The following BSG variants were observed in gnomAD, a reference collection of about 807,000 sequenced individuals.
The protein encoded by BSG is basigin (Ok blood group), also known as basigin.
BSG carries 37 observed loss-of-function variants against 43.1 expected under a neutral mutation model. That is an observed-to-expected ratio of 0.86 (90% confidence interval 0.66 to 1.13). The LOEUF (loss-of-function observed/expected upper bound fraction) is 1.13. BSG is among the 50% of genes most tolerant of loss of function. BSG has a pLI of 0.00. For synonymous variants in BSG, 309 were observed against 238.7 expected (o/e 1.29, Z -2.72); for missense variants, 599 against 554.2 (o/e 1.08, Z -0.81).
chr19:579,919 C>T, intron 3 of BSG: 1 of 523,080 alleles, frequency 1.9e-6, no homozygotes, highest in Non-Finnish European at 3.3e-6. Context: ...AAGGGCGCCA[C>T]ACTGCCAGGT....
At chr19:578,186 C>T in intron 2 of BSG, 65 bp downstream of exon 2, 1 of 1,416,122 alleles carries the variant, frequency 7.1e-7, no homozygotes. Context: ...CGCCTCCCGG[C>T]TCCTGCTCAG....
chr19:576,276 GC>G (rs528839538), intron 1 of BSG, among the ~76,000 whole-genome samples: 85 of 152,342 alleles, frequency 5.6e-4, no homozygotes, highest in Non-Finnish European at 1.1e-3. Flanking sequence ...GTGGAGCCCA[GC>G]CCTGCAGGTC....
chr19:575,917 C>T (rs1981729671), intron 1 of BSG, among the ~76,000 whole-genome samples: 1 of 152,118 alleles, frequency 6.6e-6, no homozygotes, highest in South Asian at 2.1e-4. Context: ...CCCGAGGAGC[C>T]TCTATGGAGG....
At position 578,176 on chromosome 19, in the gene BSG, C is replaced by A; in HGVS notation, c.415+55C>A. 3.5e-6 allele frequency: 5 copies of A among 1,438,662 alleles called. No individual in the cohort carries two copies. In the South Asian group the frequency reaches 4.2e-5, roughly 12 times the overall value. The allele number at this position is 1,438,662 out of a possible 1,614,324, so 89.1% of individuals were successfully genotyped here. ...CCCTCAGTTTCCCTCCTGTGCCGCT[C>A]GCCTCCCGGCTCCTGCTCAGTAGAA... On this transcript the variant is annotated intron_variant, in intron 2 of 8. Coordinates refer to ENST00000333511, the MANE Select transcript of BSG (RefSeq NM_001728.4).
Position 572,716 on chromosome 19 carries a change from G to C in BSG, c.67+15G>C, listed in dbSNP as rs1014600831. 20 of 1,465,756 alleles carry C rather than the reference G, an allele frequency of 1.4e-5. No homozygotes were observed. Among genetic ancestry groups the C allele is most frequent in the Non-Finnish European group, 1.7e-5 (19 of 1,101,192 alleles). 90.8% of individuals were successfully genotyped at this position (1,465,756 alleles called of 1,614,324 possible). A position where few individuals can be genotyped will look rare whatever the true frequency, so the allele number is the denominator to read the frequency against. On this transcript the variant is annotated intron_variant, in intron 1 of 8. Coordinates refer to ENST00000333511, the MANE Select transcript of BSG (RefSeq NM_001728.4). ...CTCCGGGGCTGGTGAGGAGCGGGTAGGGGGCGGGGGTGCGGTCCTGCAGGG... is the reference window on the plus strand; with the variant it reads ...CTCCGGGGCTGGTGAGGAGCGGGTACGGGGCGGGGGTGCGGTCCTGCAGGG...
intron 2 of BSG, chr19:578,732 CTATT>C (rs1295107550): frequency 3.5e-6 from 1 of 283,368 alleles, no homozygotes; most frequent in South Asian, 3.0e-5. Context: ...GGTGCTGTGG[CTATT>C]TTTTTTTTTT....
intron 3 of BSG, chr19:580,105 G>A: frequency 2.1e-6 from 1 of 481,046 alleles, no homozygotes; most frequent in South Asian, 2.6e-5. Context: ...TGGGAAGACG[G>A]TCACAGGGTG....
Position 577,922 on chromosome 19 carries a change from C to T in BSG, c.216C>T (p.Asp72=), listed in dbSNP as rs371661150. Residue 72 remains aspartate (D), a synonymous_variant, in exon 2 of 9, where the codon GAC becomes GAT. Coordinates refer to ENST00000333511, the MANE Select transcript of BSG (RefSeq NM_001728.4). ...GPNDTCSQLW[D]GARLDRVHIH... is the part of the protein sequence containing the mutation. ...ACGACACCTGCTCCCAGCTCTGGGA[C>T]GGCGCCCGGCTGGACCGCGTCCACA... is the stretch of plus-strand genomic sequence containing the variant. 44 of 1,602,546 alleles carry T rather than the reference C, an allele frequency of 2.7e-5. No individual in the cohort carries two copies. The highest frequency in any genetic ancestry group is 3.3e-5 in the Non-Finnish European group (39 of 1,173,078).
intron 1 of BSG, among the ~76,000 whole-genome samples, chr19:575,554 C>T (rs1015851083): frequency 2.3e-5 from 3 of 132,104 alleles, no homozygotes; most frequent in Admixed American, 8.9e-5. Flanking sequence ...GGGAGGTGCC[C>T]GAGGCTGCTT....
chr19:573,647 C>T (rs1008711239), intron 1 of BSG, among the ~76,000 whole-genome samples: 1 of 152,158 alleles, frequency 6.6e-6, no homozygotes, highest in Non-Finnish European at 1.5e-5. Flanking sequence ...GGTCTCTGAA[C>T]GCCCCTCCTC....
intron 7 of BSG, 50 bp downstream of exon 7, chr19:582,380 C>T (rs780058910): frequency 1.3e-6 from 2 of 1,596,518 alleles, no homozygotes; most frequent in African/African-American, 2.7e-5. Context: ...GCCTGCTGCC[C>T]CAGGCCTTTA....
chr19:578,922 G>T (rs773147256), intron 2 of BSG: 3 of 429,348 alleles, frequency 7.0e-6, no homozygotes, highest in African/African-American at 2.0e-5. Context: ...AGAAGAGACG[G>T]GGTTTCACCG....
At chr19:571,455 A>C (rs1037703951), upstream of BSG, 2 of 760,132 alleles carry the variant, frequency 2.6e-6, no homozygotes, top group Non-Finnish European at 4.9e-6. Context: ...TCGCCGCGGA[A>C]CTTCAAGGGT....
At position 582,341 on chromosome 19, in the gene BSG, G is replaced by C. The variant is rs772760933; in HGVS notation, c.1094+11G>C. Reference sequence around the variant, plus strand: ...CGGCTCTGCACCCCTGTAAGTTCCAGCTGTGGGGGTCGGGGGTCCCAAGGA... The same window carrying C: ...CGGCTCTGCACCCCTGTAAGTTCCACCTGTGGGGGTCGGGGGTCCCAAGGA... On this transcript the variant is annotated intron_variant, in intron 7 of 8. Coordinates refer to ENST00000333511, the MANE Select transcript of BSG (RefSeq NM_001728.4). 1.9e-6 allele frequency: 3 copies of C among 1,597,028 alleles called. No individual in the cohort carries two copies. Among genetic ancestry groups the C allele is most frequent in the Middle Eastern group, 1.7e-4 (1 of 5,976 alleles).
Position 580,442 on chromosome 19 carries a change from G to A in BSG, c.636G>A (p.Thr212=), listed in dbSNP as rs746151202. The part of the protein sequence containing the change: ...SCVFLPEPMG[T]ANIQLHGPPR... ...TCTTCCTCCCCGAGCCCATGGGCAC[G>A]GCCAACATCCAGCTCCACGGTGAGT... The change falls in exon 4 of 9, where the codon ACG becomes ACA. Residue 212 remains threonine, a synonymous_variant. Transcript: ENST00000333511. The A allele has an allele frequency of 2.6e-5, 42 of 1,610,812 alleles. No individual in the cohort carries two copies. Among genetic ancestry groups the A allele is most frequent in the Non-Finnish European group, 2.9e-5 (34 of 1,179,932 alleles).
chr19:581,273 G>C, intron 5 of BSG, 42 bp from the exon 6 acceptor site: 1 of 1,579,778 alleles, frequency 6.3e-7, no homozygotes, highest in Non-Finnish European at 8.6e-7. Flanking sequence ...GAGGGGCCTA[G>C]ACTGGGGGTC....
intron 1 of BSG, among the ~76,000 whole-genome samples, chr19:574,733 A>G (rs995249990): frequency 3.9e-5 from 6 of 152,188 alleles, no homozygotes; most frequent in African/African-American, 1.2e-4. Context: ...AGGCTTTGCC[A>G]GCTAACTCCT....
chr19:571,781 T>A (rs62132624), upstream of BSG: 41,774 of 601,680 alleles, frequency 0.069, 1,964 homozygotes, highest in Admixed American at 0.16. Flanking sequence ...CTCTGTCCTT[T>A]CCCTGTTGGC....
At chr19:571,496 T>A (rs569727996), upstream of BSG, 2 of 778,542 alleles carry the variant, frequency 2.6e-6, no homozygotes, top group South Asian at 2.7e-5. Context: ...AGAGTCTGGG[T>A]TTACGCGTCA....
Sources: gnomAD v4.1 joint callset for allele counts (sites outside exome capture counted in the v4.1 genomes callset) on GRCh38, gnomAD v4.1.1 for gene constraint, MANE v1.5 for transcripts, NCBI Gene and HGNC (gene_info 2026-07-23, HGNC 2026-07-21) for gene names.